SPINK9: variants seen among roughly 807,000 people sequenced by gnomAD.
SPINK9 encodes serine protease inhibitor Kazal-type 9.
In SPINK9, 3 loss-of-function variants were observed where a neutral mutation model predicts 10.8. The ratio of observed to expected loss-of-function variants is 0.28; its 90% CI spans 0.13 to 0.72. The LOEUF (loss-of-function observed/expected upper bound fraction) is 0.72, where lower values mean the gene tolerates loss of function less well. Ranked by LOEUF, SPINK9 falls within the 30% of genes least tolerant of loss-of-function variation. The pLI is 0.74. For synonymous variants in SPINK9, 30 were observed against 31.2 expected (o/e 0.96, Z 0.12); for missense variants, 101 against 103.2 (o/e 0.98, Z 0.09).
chr5:148,329,451 A>C (rs1462179829), intron 2 of SPINK9, among the ~76,000 whole-genome samples: 2 of 152,134 alleles, frequency 1.3e-5, no homozygotes, highest in Non-Finnish European at 2.9e-5. Flanking sequence ...CTTTTCAAAA[A>C]ACCAGCTCCC....
chr5:148,326,102 C>G (rs1011250051), intron 2 of SPINK9, among the ~76,000 whole-genome samples: 5 of 152,128 alleles, frequency 3.3e-5, no homozygotes, highest in African/African-American at 1.2e-4. Flanking sequence ...ATAAACATTT[C>G]TTGAATGAAG....
At chr5:148,323,809 C>T (rs952866005) in exon 2 of SPINK9, 1 of 701,656 alleles carries the variant, frequency 1.4e-6, no homozygotes, top group African/African-American at 1.7e-5. Context: ...CCAAGCAGCT[C>T]AGGAGAACAC....
chr5:148,337,336 C>A (rs1185022235), intron 2 of SPINK9, among the ~76,000 whole-genome samples: 1 of 152,134 alleles, frequency 6.6e-6, no homozygotes, highest in Non-Finnish European at 1.5e-5. Context: ...TGCCATTATG[C>A]CATGCATACC....
At chr5:148,330,863 C>T (rs1269854604), upstream of SPINK9, among the ~76,000 whole-genome samples, 3 of 152,070 alleles carry the variant, frequency 2.0e-5, no homozygotes, top group Non-Finnish European at 4.4e-5. Context: ...TAGAGTTTCT[C>T]CATGGGCGTA....
At chr5:148,327,405 GC>G in intron 2 of SPINK9, among the ~76,000 whole-genome samples, 1 of 152,120 alleles carries the variant, frequency 6.6e-6, no homozygotes, top group South Asian at 2.1e-4. Context: ...CTGGATATTA[GC>G]CCTTTGTCAG....
At position 148,335,568 on chromosome 5, in the gene SPINK9, G is replaced by A. The variant is rs1757205366; in HGVS notation, c.-46G>A. On this transcript the variant is annotated 5_prime_UTR_variant, in exon 1 of 4. Coordinates refer to ENST00000377906, the MANE Select transcript of SPINK9 (RefSeq NM_001040433.2). ...TCAAAGTGAGCTGGACGGACACCAG[G>A]TCACTTCTTTTCCCTACATCTGACT... The A allele has an allele frequency of 6.4e-7, 1 of 1,561,972 alleles. No individual in the cohort carries two copies.
Position 148,338,532 on chromosome 5 carries a change from C to T in SPINK9, c.142C>T (p.His48Tyr). 1 of 1,610,038 alleles carries T rather than the reference C, an allele frequency of 6.2e-7. No homozygotes were observed. The highest frequency in any genetic ancestry group is 8.5e-7 in the Non-Finnish European group (1 of 1,177,772). ...LPPGQQRFCH[H>Y]MYDPICGSDG... ...ACCAGGACAACAGAGATTTTGTCAT[C>T]ATATGTATGATCCAATTTGTGGATC... is the stretch of plus-strand genomic sequence containing the variant. Residue 48 changes from histidine to tyrosine, a missense_variant, in exon 3 of 4, where the codon CAT (histidine) becomes TAT (tyrosine). By Grantham distance (83) the His-to-Tyr change is moderately conservative. Coordinates refer to ENST00000377906, the MANE Select transcript of SPINK9 (RefSeq NM_001040433.2).
intron 2 of SPINK9, among the ~76,000 whole-genome samples, chr5:148,326,576 C>T (rs1392254952): frequency 6.6e-6 from 1 of 152,008 alleles, no homozygotes; most frequent in Non-Finnish European, 1.5e-5. Context: ...AGGTTTGTTA[C>T]CTATGTATAC....
intron 2 of SPINK9, among the ~76,000 whole-genome samples, chr5:148,329,694 G>C (rs1189601937): frequency 2.0e-5 from 3 of 151,992 alleles, no homozygotes; most frequent in Non-Finnish European, 4.4e-5. Context: ...CAGAGATTCT[G>C]GTATGTTGTG....
At chr5:148,323,087 A>G (rs920192486) in intron 1 of SPINK9, among the ~76,000 whole-genome samples, 1 of 152,200 alleles carries the variant, frequency 6.6e-6, no homozygotes, top group African/African-American at 2.4e-5. Flanking sequence ...GAACATGCAT[A>G]TTTTTAATGT....
At chr5:148,336,578 T>C in intron 2 of SPINK9, 125 bp downstream of exon 2, 1 of 1,068,212 alleles carries the variant, frequency 9.4e-7, no homozygotes, top group Non-Finnish European at 1.4e-6. Context: ...GAAAACTGGT[T>C]TTATTTCAAA....
upstream of SPINK9, chr5:148,335,476 G>A: frequency 1.5e-6 from 1 of 685,548 alleles, no homozygotes; most frequent in Non-Finnish European, 2.5e-6. Flanking sequence ...TCTTTCTGGA[G>A]TTGTACTACT....
At chr5:148,339,032 T>G (rs2084357529) in intron 3 of SPINK9, among the ~76,000 whole-genome samples, 1 of 152,140 alleles carries the variant, frequency 6.6e-6, no homozygotes, top group Non-Finnish European at 1.5e-5. Context: ...CTTGGATATG[T>G]TAGAGCCCCC....
chr5:148,338,581 A>G lies in SPINK9; in HGVS notation c.191A>G (p.Asp64Gly). Residue 64 changes from aspartate (D) to glycine (G), a missense_variant, in exon 3 of 4, where the codon GAT becomes GGT. Transcript: ENST00000377906. ...TCTGATGGCAAAACTTATAAAAATG[A>G]TTGCTTCTTCTGTTCTAAAGTTAAG... ...CGSDGKTYKN[D>G]CFFCSKVKKT... The G allele has an allele frequency of 6.3e-7, 1 of 1,594,514 alleles. No individual in the cohort carries two copies. The highest frequency in any genetic ancestry group is 8.6e-7 in the Non-Finnish European group (1 of 1,164,552).
chr5:148,338,741 G>A (rs2113425707), intron 3 of SPINK9, 136 bp downstream of exon 3: 2 of 586,900 alleles, frequency 3.4e-6, no homozygotes, highest in East Asian at 6.7e-5. Context: ...CTTCCAGTTG[G>A]TAGAATTTGG....
chr5:148,330,771 G>A (rs1757138008), upstream of SPINK9, among the ~76,000 whole-genome samples: 2 of 152,122 alleles, frequency 1.3e-5, no homozygotes, highest in South Asian at 4.2e-4. Flanking sequence ...ATGAAGCTTA[G>A]TTTGGCTGGA....
chr5:148,335,273 G>C (rs1222790265), upstream of SPINK9, among the ~76,000 whole-genome samples: 1 of 152,132 alleles, frequency 6.6e-6, no homozygotes, highest in Non-Finnish European at 1.5e-5. Flanking sequence ...AAGATTGCTG[G>C]CTTGTCTATT....
chr5:148,326,248 A>G (rs2113411531), intron 2 of SPINK9, among the ~76,000 whole-genome samples: 1 of 152,336 alleles, frequency 6.6e-6, no homozygotes, highest in East Asian at 1.9e-4. Flanking sequence ...AAAGATAACA[A>G]GTGTTGGTGA....
chr5:148,325,183 G>A (rs757959793), intron 2 of SPINK9, among the ~76,000 whole-genome samples: 7 of 152,022 alleles, frequency 4.6e-5, no homozygotes, highest in Non-Finnish European at 1.0e-4. Flanking sequence ...TAAATTGATG[G>A]ATAGTTGGGT....
Sources: gnomAD v4.1 joint callset for allele counts (sites outside exome capture counted in the v4.1 genomes callset) on GRCh38, gnomAD v4.1.1 for gene constraint, MANE v1.5 for transcripts, NCBI Gene and HGNC (gene_info 2026-07-23, HGNC 2026-07-21) for gene names.